The following ABLIM1 variants were observed in gnomAD, a reference collection of about 807,000 sequenced individuals.
The protein encoded by ABLIM1 is actin-binding LIM protein 1.
In ABLIM1, 40 loss-of-function variants were observed where a neutral mutation model predicts 107.0. The ratio of observed to expected loss-of-function variants is 0.37; its 90% CI spans 0.29 to 0.49. The LOEUF is 0.49. ABLIM1 is among the 20% of genes least tolerant of loss of function. The pLI is 0.97. For synonymous variants in ABLIM1, 357 were observed against 357.3 expected, an observed-to-expected ratio of 1.00 and a Z score of 0.01; for missense variants, 857 against 1,008.5, an observed-to-expected ratio of 0.85 and a Z score of 2.04.
Position 114,445,378 on chromosome 10 carries a change from A to G in ABLIM1, c.1761T>C (p.Ser587=), listed in dbSNP as rs747068405. 8.7e-6 allele frequency: 14 copies of G among 1,613,668 alleles called. No homozygotes were observed. In the African/African-American group the frequency reaches 1.7e-4, roughly 20 times the overall value. ...VVGPDMKRRS[S]GREEDDEELL... is the part of the protein sequence containing the mutation. ...GTTCCTCATCATCTTCCTCTCTGCC[A>G]CTAGATCTGCGTTTCATGTCAGGTC... The change falls in exon 16 of 23, where the codon AGT becomes AGC. Residue 587 remains serine (S), a synonymous_variant. Transcript: ENST00000533213.
chr10:114,595,360 C>T (rs1031467983), intron 2 of ABLIM1, among the ~76,000 whole-genome samples: 2 of 152,190 alleles, frequency 1.3e-5, no homozygotes, highest in African/African-American at 4.8e-5. Flanking sequence ...TGCACAAATA[C>T]CAACACATTC....
intron 1 of ABLIM1, among the ~76,000 whole-genome samples, chr10:114,749,485 C>CA (rs61562279): frequency 1.0e-4 from 15 of 145,522 alleles, no homozygotes; most frequent in Non-Finnish European, 1.7e-4. Flanking sequence ...CACACACACA[C>CA]CACAAAACCC....
At chr10:114,572,339 T>C (rs776080111) in intron 3 of ABLIM1, among the ~76,000 whole-genome samples, 1 of 152,212 alleles carries the variant, frequency 6.6e-6, no homozygotes, top group African/African-American at 2.4e-5. Flanking sequence ...TTGACATTCA[T>C]TTTTACTTCC....
chr10:114,668,658 AG>A (rs1424489319), intron 1 of ABLIM1, among the ~76,000 whole-genome samples: 2 of 152,164 alleles, frequency 1.3e-5, no homozygotes, highest in Non-Finnish European at 2.9e-5. Context: ...CTTCAATGTA[AG>A]GGGAGGCATC....
chr10:114,485,179 G>C (rs41293066), intron 8 of ABLIM1: 7,388 of 661,174 alleles, frequency 0.011, 57 homozygotes, highest in Non-Finnish European at 0.014. Flanking sequence ...TGTGAGAAAA[G>C]CATCTGCTTT....
At chr10:114,684,334 A>G (rs2080873366) in exon 1 of ABLIM1, 1 of 1,614,010 alleles carries the variant, frequency 6.2e-7, no homozygotes, top group Admixed American at 1.7e-5. Flanking sequence ...GAGCTCAGTC[A>G]TTTCCAAGGT....
chr10:114,464,092 T>C (rs1565385333), intron 12 of ABLIM1, among the ~76,000 whole-genome samples: 1 of 151,914 alleles, frequency 6.6e-6, no homozygotes, highest in Non-Finnish European at 1.5e-5. Flanking sequence ...GGAACAACAA[T>C]GCCCCTATAA....
At chr10:114,624,701 T>C (rs2077677028) in intron 1 of ABLIM1, among the ~76,000 whole-genome samples, 1 of 152,150 alleles carries the variant, frequency 6.6e-6, no homozygotes, top group Non-Finnish European at 1.5e-5. Flanking sequence ...AGAAATGACA[T>C]CTTTTTCTCT....
chr10:114,512,892 GAA>G (rs1321912050), intron 6 of ABLIM1, among the ~76,000 whole-genome samples: 1 of 150,868 alleles, frequency 6.6e-6, no homozygotes, highest in Non-Finnish European at 1.5e-5. Flanking sequence ...AGGAAGGAAG[GAA>G]GGAAGGAAGG....
In ABLIM1 at chr10:114,575,500, C is replaced by G; in HGVS notation, c.479G>C (p.Gly160Ala). The G allele has an allele frequency of 6.2e-7, 1 of 1,614,210 alleles. No homozygotes were observed. Among genetic ancestry groups the G allele is most frequent in the Non-Finnish European group, 8.5e-7 (1 of 1,180,042 alleles). Residue 160 changes from glycine to alanine, a missense_variant, in exon 3 of 23, where the codon GGC (glycine) becomes GCC (alanine). Physicochemically the swap from Gly to Ala is moderately conservative, Grantham distance 60. Transcript: ENST00000533213. ...YQRMYGTRCH[G>A]CGEFVEGEVV... is the part of the protein sequence containing the mutation. ...TTCGCCCTCCACGAACTCCCCACAG[C>G]CATGGCAGCGTGTCCCGTACATCCG...
chr10:114,480,712 G>A (rs1395852346), intron 8 of ABLIM1, among the ~76,000 whole-genome samples: 3 of 152,270 alleles, frequency 2.0e-5, no homozygotes, highest in Admixed American at 6.5e-5. Context: ...AGGAGCCTTC[G>A]GTAAGAACCT....
intron 1 of ABLIM1, among the ~76,000 whole-genome samples, chr10:114,670,488 A>G (rs922319937): frequency 2.0e-5 from 3 of 151,984 alleles, no homozygotes; most frequent in Non-Finnish European, 4.4e-5. Flanking sequence ...TATTCAGCCA[A>G]TTTTCTTTTT....
At chr10:114,528,939 A>G (rs897951266) in intron 6 of ABLIM1, among the ~76,000 whole-genome samples, 1 of 152,132 alleles carries the variant, frequency 6.6e-6, no homozygotes, top group Non-Finnish European at 1.5e-5. Flanking sequence ...TAAGGATGGT[A>G]CCTTTTACCT....
intron 1 of ABLIM1, among the ~76,000 whole-genome samples, chr10:114,676,970 A>G (rs2080514275): frequency 6.6e-6 from 1 of 152,136 alleles, no homozygotes; most frequent in South Asian, 2.1e-4. Flanking sequence ...TCCTAACCTC[A>G]GGTGATCTGC....
At chr10:114,688,973 C>T (rs190085116), upstream of ABLIM1, among the ~76,000 whole-genome samples, 29 of 152,250 alleles carry the variant, frequency 1.9e-4, no homozygotes, top group East Asian at 3.5e-3. Context: ...TTATTATTGA[C>T]GTCAGAAGAA....
chr10:114,685,330 T>G (rs2080905117), upstream of ABLIM1, among the ~76,000 whole-genome samples: 1 of 152,172 alleles, frequency 6.6e-6, no homozygotes, highest in Non-Finnish European at 1.5e-5. Context: ...GGGTAAAACA[T>G]TTAATTCCTC....
At chr10:114,711,054 T>C (rs2081537513) in intron 1 of ABLIM1, among the ~76,000 whole-genome samples, 1 of 152,248 alleles carries the variant, frequency 6.6e-6, no homozygotes, top group African/African-American at 2.4e-5. Flanking sequence ...GTTCAGGATA[T>C]TCCTACTCTT....
At chr10:114,584,081 G>A (rs2073920250) in intron 2 of ABLIM1, among the ~76,000 whole-genome samples, 1 of 151,918 alleles carries the variant, frequency 6.6e-6, no homozygotes, top group African/African-American at 2.4e-5. Context: ...ATACACCCAT[G>A]TAGCAAACCT....
chr10:114,715,369 T>C lies in ABLIM1; in HGVS notation c.-213+52692A>G, dbSNP rs141619434. ...ATCCGAGCCCCTTCCTTCAATTCTT[T>C]CCAAGTAAAATCAGTTGCTAGAAAA... On this transcript the variant is annotated intron_variant, in intron 1 of 15. Transcript: ENST00000651092. Among the ~76,000 whole-genome samples, 3 of 152,326 alleles carry C rather than the reference T, an allele frequency of 2.0e-5. No homozygotes were observed. The East Asian group carries it at 5.8e-4, about 29-fold the overall frequency.
Sources: allele counts gnomAD v4.1 joint callset (sites outside exome capture counted in the v4.1 genomes callset), GRCh38; gene constraint gnomAD v4.1.1; transcripts MANE v1.5; gene names NCBI Gene and HGNC (gene_info 2026-07-23, HGNC 2026-07-21).